Variants in WNK4 observed in about 807,000 individuals in gnomAD.
WNK4 encodes the protein serine/threonine-protein kinase WNK4.
WNK4 carries 94 observed loss-of-function variants against 116.2 expected under a neutral mutation model. The ratio of observed to expected loss-of-function variants is 0.81; its 90% CI spans 0.68 to 0.96. WNK4 has a LOEUF of 0.96. WNK4 is among the 40% of genes least tolerant of loss of function. WNK4 has a pLI of 0.00. For synonymous variants in WNK4, 655 were observed against 672.7 expected (o/e 0.97, Z 0.41); for missense variants, 1,542 against 1,650.6 (o/e 0.93, Z 1.14).
At chr17:42,790,256 A>T (rs2054595357) in intron 11 of WNK4, among the ~76,000 whole-genome samples, 2 of 152,194 alleles carry the variant, frequency 1.3e-5, no homozygotes, top group Non-Finnish European at 2.9e-5. Flanking sequence ...AGAACATAGT[A>T]CATAGTAGAT....
chr17:42,794,541 A>G, intron 12 of WNK4, 73 bp from the exon 13 acceptor site: 1 of 1,568,068 alleles, frequency 6.4e-7, no homozygotes, highest in Non-Finnish European at 8.7e-7. Context: ...CTAGCTTAGG[A>G]ACCCCGGTCT....
At position 42,796,712 on chromosome 17, in the gene WNK4, TC is replaced by T; in HGVS notation, c.*29del. On this transcript the variant is annotated 3_prime_UTR_variant, in exon 19 of 19. Coordinates refer to ENST00000246914, the MANE Select transcript of WNK4 (RefSeq NM_032387.5). ...GAATTCAGAACAGAAGCCATGTATC[TC>T]CCCCACACCAGGGCCCACCATGGAG... 1 of 1,614,108 alleles carries T rather than the reference TC, an allele frequency of 6.2e-7. No homozygotes were observed. The highest frequency in any genetic ancestry group is 8.5e-7 in the Non-Finnish European group (1 of 1,179,996).
Position 42,795,087 on chromosome 17 carries a change from C to T in WNK4, c.2666C>T (p.Pro889Leu), listed in dbSNP as rs1484928826. The T allele has an allele frequency of 1.2e-6, 2 of 1,614,062 alleles. No homozygotes were observed. Among genetic ancestry groups the T allele is most frequent in the South Asian group, 1.1e-5 (1 of 91,076 alleles). The part of the protein sequence containing the change: ...CPWSSLPTTS[P>L]PTFSPTCSQV... The stretch of plus-strand genomic sequence containing the variant: ...TGGAGTTCTCTCCCCACGACTTCTC[C>T]ACCTACGTTCTCTCCCACTTGTTCT... The change falls in exon 14 of 19, where the codon CCA (proline) becomes CTA (leucine). Residue 889 changes from proline to leucine, a missense_variant. This residue lies in a region of WNK4 where 292 missense variants were observed against 290.1 expected (regional missense o/e 1.01). Coordinates refer to ENST00000246914, the MANE Select transcript of WNK4 (RefSeq NM_032387.5).
chr17:42,780,941 G>T lies in WNK4; in HGVS notation c.243G>T (p.Pro81=), dbSNP rs371379940. The T allele has an allele frequency of 1.7e-5, 28 of 1,609,820 alleles. No individual in the cohort carries two copies. In the African/African-American group the frequency reaches 2.4e-4, roughly 14 times the overall value. Residue 81 remains proline, a synonymous_variant, in exon 1 of 19, where the codon CCG becomes CCT. Transcript: ENST00000246914. ...GGTCCCTGCCAGCCTCACCCGCTCCGGACCCCCCCGATCCTCCGGACTCCG... is the reference window on the plus strand; with the variant it reads ...GGTCCCTGCCAGCCTCACCCGCTCCTGACCCCCCCGATCCTCCGGACTCCG... The part of the protein sequence containing the change: ...SSWSLPASPA[P]DPPDPPDSAG...
intron 2 of WNK4, 148 bp downstream of exon 2, chr17:42,783,078 C>CACCGAGGCAG: frequency 2.8e-6 from 3 of 1,087,956 alleles, no homozygotes; most frequent in Non-Finnish European, 2.7e-6. Flanking sequence ...GTCCCTGCCT[C>CACCGAGGCAG]GGTGAGTGGC....
At position 42,782,321 on chromosome 17, in the gene WNK4, T is replaced by A. The variant is rs957832998; in HGVS notation, c.619-437T>A. 5.3e-5 allele frequency among the ~76,000 whole-genome samples: 8 copies of A among 152,172 alleles called. No individual in the cohort carries two copies. The highest frequency in any genetic ancestry group is 1.9e-4 in the African/African-American group (8 of 41,430). ...CCCTCCATATCCCTCCCGCCTTCCGTCTGGATCTAGCAGTTCTGTTTCTGG... is the reference window on the plus strand; with the variant it reads ...CCCTCCATATCCCTCCCGCCTTCCGACTGGATCTAGCAGTTCTGTTTCTGG... On this transcript the variant is annotated intron_variant, in intron 1 of 18. Transcript: ENST00000246914. The surrounding 1 kb of genome is among the most constrained non-coding windows in gnomAD (Gnocchi z 4.2).
At chr17:42,793,786 T>A in intron 12 of WNK4, 57 bp downstream of exon 12, 1 of 1,610,008 alleles carries the variant, frequency 6.2e-7, no homozygotes, top group Non-Finnish European at 8.5e-7. Flanking sequence ...CCAGGGTTTA[T>A]TACTCTCTGC....
chr17:42,787,853 G>A lies in WNK4; in HGVS notation c.1817G>A (p.Gly606Glu). Residue 606 changes from glycine to glutamate, a missense_variant, in exon 8 of 19, where the codon GGG becomes GAG. Transcript: ENST00000246914. ...TCAGACCCTGCCCTTCAGCCCCCTGGGGGGGTGCCATCCAGCCTGGCTGAG... is the reference window on the plus strand; with the variant it reads ...TCAGACCCTGCCCTTCAGCCCCCTGAGGGGGTGCCATCCAGCCTGGCTGAG... ...DASDPALQPP[G>E]GVPSSLAESH... 1.9e-6 allele frequency: 3 copies of A among 1,612,072 alleles called. No homozygotes were observed. The highest frequency in any genetic ancestry group is 2.5e-6 in the Non-Finnish European group (3 of 1,180,012).
At chr17:42,793,070 G>A (rs1462665039) in intron 11 of WNK4, among the ~76,000 whole-genome samples, 6 of 152,174 alleles carry the variant, frequency 3.9e-5, no homozygotes, top group Non-Finnish European at 7.3e-5. Context: ...TATACGCAAA[G>A]CAGCTGGTAT....
chr17:42,785,599 C>T (rs1255069374), intron 6 of WNK4, 117 bp downstream of exon 6: 1 of 1,258,726 alleles, frequency 7.9e-7, no homozygotes, highest in Non-Finnish European at 1.1e-6. Context: ...GGGCACCTCA[C>T]CCCTCTCAAA....
At chr17:42,792,860 C>T (rs918647705) in intron 11 of WNK4, among the ~76,000 whole-genome samples, 1 of 152,180 alleles carries the variant, frequency 6.6e-6, no homozygotes, top group African/African-American at 2.4e-5. Flanking sequence ...TTTATAAACA[C>T]TATGGGGCAG....
intron 2 of WNK4, 116 bp from the exon 3 acceptor site, chr17:42,783,821 T>C (rs746025875): frequency 1.0e-6 from 1 of 980,996 alleles, no homozygotes; most frequent in Non-Finnish European, 1.6e-6. Context: ...AGGAGAATGC[T>C]GGCAGAAGAT....
At chr17:42,793,099 T>C (rs2054622228) in intron 11 of WNK4, among the ~76,000 whole-genome samples, 1 of 152,240 alleles carries the variant, frequency 6.6e-6, no homozygotes, top group African/African-American at 2.4e-5. Context: ...ATCCTATGAA[T>C]GTTAGCACCT....
Position 42,794,927 on chromosome 17 carries a change from T to G in WNK4, c.2506T>G (p.Cys836Gly). 1 of 1,289,760 alleles carries G rather than the reference T, an allele frequency of 7.8e-7. No individual in the cohort carries two copies. Among genetic ancestry groups the G allele is most frequent in the Non-Finnish European group, 1.0e-6 (1 of 953,990 alleles). The allele number at this position is 1,289,760 out of a possible 1,614,324, so 79.9% of individuals were successfully genotyped here. Residue 836 changes from cysteine (C) to glycine (G), a missense_variant, in exon 14 of 19, where the codon TGT becomes GGT. Cys to Gly is a radical substitution (Grantham distance 159). Coordinates refer to ENST00000246914, the MANE Select transcript of WNK4 (RefSeq NM_032387.5). ...GPIFPITSPP[C>G]HPSPSPFSPI... ...CATCTTCCCCATCACTTCTCCCCCA[T>G]GTCATCCCAGCCCCTCCCCATTCTC...
At chr17:42,788,831 G>A (rs760977322) in intron 11 of WNK4, 34 bp downstream of exon 11, 12 of 1,563,844 alleles carry the variant, frequency 7.7e-6, no homozygotes, top group Non-Finnish European at 9.7e-6. Context: ...AGAGTGTTTG[G>A]ATCTGGAACA....
At position 42,782,901 on chromosome 17, in the gene WNK4, C is replaced by T. The variant is rs754741042; in HGVS notation, c.762C>T (p.Thr254=). 1.9e-5 allele frequency: 30 copies of T among 1,614,004 alleles called. No individual in the cohort carries two copies. In the Admixed American group the frequency reaches 3.8e-4, roughly 21 times the overall value. ...LRGQVCIVLV[T]ELMTSGTLKT... is the part of the protein sequence containing the mutation. Reference sequence around the variant, plus strand: ...GCCAGGTTTGCATCGTGCTGGTCACCGAACTCATGACCTCGGGCACGCTCA... The same window carrying T: ...GCCAGGTTTGCATCGTGCTGGTCACTGAACTCATGACCTCGGGCACGCTCA... The change falls in exon 2 of 19, where the codon ACC becomes ACT. Residue 254 remains threonine, a synonymous_variant. Transcript: ENST00000246914. The surrounding 1 kb of genome is among the most constrained non-coding windows in gnomAD (Gnocchi z 4.2).
intron 10 of WNK4, 90 bp downstream of exon 10, chr17:42,788,497 G>A: frequency 7.3e-7 from 1 of 1,370,024 alleles, no homozygotes; most frequent in Admixed American, 1.7e-5. Context: ...CAGAAAACGG[G>A]AGAAGCAGTG....
chr17:42,786,243 G>A (rs78645838), intron 6 of WNK4, among the ~76,000 whole-genome samples: 4,256 of 152,262 alleles, frequency 0.028, 92 homozygotes, highest in Non-Finnish European at 0.046. Flanking sequence ...TTTAAATCAG[G>A]TTACCCTTCC....
chr17:42,781,965 G>A (rs61754336), intron 1 of WNK4, among the ~76,000 whole-genome samples: 167 of 152,330 alleles, frequency 1.1e-3, no homozygotes, highest in African/African-American at 3.9e-3. Context: ...TCCCTTCCCA[G>A]ACCTAAAGGC....
Sources: gnomAD v4.1 joint callset for allele counts (sites outside exome capture counted in the v4.1 genomes callset) on GRCh38, gnomAD v4.1.1 for gene constraint, gnomAD v4.1.1 regional missense constraint, Gnocchi (gnomAD v3.1) non-coding constraint, MANE v1.5 for transcripts, NCBI Gene and HGNC (gene_info 2026-07-23, HGNC 2026-07-21) for gene names.